LMX1A: variants seen among roughly 807,000 people sequenced by gnomAD.
LMX1A encodes LIM homeobox transcription factor 1 alpha, also known as LIM homeobox transcription factor 1-alpha.
Under a neutral mutation model 49.1 loss-of-function variants are expected in LMX1A, and 15 were observed. The observed-to-expected ratio is 0.31, with a 90% CI of 0.20 to 0.47. The LOEUF (loss-of-function observed/expected upper bound fraction) is 0.47. Ranked by LOEUF, LMX1A falls within the 20% of genes least tolerant of loss-of-function variation. The pLI, the probability that LMX1A is intolerant of heterozygous loss-of-function variation, is 1.00. For missense variants in LMX1A, 372 were observed against 475.8 expected (o/e 0.78, Z 2.03); for synonymous variants, 167 against 185.7 (o/e 0.90, Z 0.82).
At chr1:165,232,566 C>T (rs1652275144) in intron 4 of LMX1A, among the ~76,000 whole-genome samples, 1 of 152,120 alleles carries the variant, frequency 6.6e-6, no homozygotes, top group Non-Finnish European at 1.5e-5. Context: ...TTCAGGAAAG[C>T]ACACACTTCT....
Position 165,355,496 on chromosome 1 carries a change from A to G in LMX1A, c.64T>C (p.Ser22Pro). ...CCTGAACACTCACCCAGCAGCGAGG[A>G]GAAGGAGGCCGAGGTGTCGATCGCG... The part of the protein sequence containing the change: ...QSAIDTSASF[S>P]SLLGRAVSPK... Residue 22 changes from serine to proline, a missense_variant, in exon 2 of 9, where the codon TCC (serine) becomes CCC (proline). By Grantham distance (74) the Ser-to-Pro change is moderately conservative. Around this residue, in one of 3 missense-constraint regions of LMX1A, gnomAD observed 199 missense variants for 244.0 expected, o/e 0.82. Coordinates refer to ENST00000342310, the MANE Select transcript of LMX1A (RefSeq NM_177398.4). This position sits in a 1 kb window ranked among gnomAD's most constrained non-coding sequence, Gnocchi z 4.7. The G allele has an allele frequency of 3.7e-6, 6 of 1,613,998 alleles. No individual in the cohort carries two copies. Among genetic ancestry groups the G allele is most frequent in the Non-Finnish European group, 5.1e-6 (6 of 1,179,966 alleles).
intron 4 of LMX1A, among the ~76,000 whole-genome samples, chr1:165,239,275 A>G (rs528839905): frequency 2.0e-5 from 3 of 152,366 alleles, no homozygotes; most frequent in East Asian, 1.9e-4. Context: ...AGTATGGTCA[A>G]TGTAAAAAGG....
chr1:165,223,260 T>C (rs546839261), intron 4 of LMX1A, among the ~76,000 whole-genome samples: 1 of 152,332 alleles, frequency 6.6e-6, no homozygotes, highest in South Asian at 2.1e-4. Context: ...TGAAAAAAGT[T>C]GTAATAAAAG....
chr1:165,320,148 T>G (rs8179473), intron 3 of LMX1A, among the ~76,000 whole-genome samples: 13,624 of 152,242 alleles, frequency 0.089, 773 homozygotes, highest in Admixed American at 0.15. Context: ...ATTGGGATCT[T>G]TTGATAAGTG....
chr1:165,342,388 G>C (rs1451111129), intron 3 of LMX1A, among the ~76,000 whole-genome samples: 1 of 152,224 alleles, frequency 6.6e-6, no homozygotes, highest in African/African-American at 2.4e-5. Context: ...ATATTCAACA[G>C]TTCTGCTGCC....
At chr1:165,337,269 A>C (rs1489735513) in intron 3 of LMX1A, among the ~76,000 whole-genome samples, 1 of 152,224 alleles carries the variant, frequency 6.6e-6, no homozygotes, top group Admixed American at 6.5e-5. Flanking sequence ...CAATATCTTT[A>C]ATTAAATGAT....
chr1:165,202,893 T>C lies in LMX1A; in HGVS notation c.*987A>G, dbSNP rs1371098095. ...GTGGCCTGGTTGTATCTTAAACAAA[T>C]ATCAGATATTAGTCTCAGCCCTGCT... On this transcript the variant is annotated 3_prime_UTR_variant, in exon 9 of 9. Coordinates refer to ENST00000342310, the MANE Select transcript of LMX1A (RefSeq NM_177398.4). 1 of 152,690 alleles carries C rather than the reference T, an allele frequency of 6.5e-6. No individual in the cohort carries two copies. Among genetic ancestry groups the C allele is most frequent in the African/African-American group, 2.4e-5 (1 of 41,448 alleles). 9.5% of individuals were successfully genotyped at this position (152,690 alleles called of 1,614,324 possible).
At chr1:165,260,636 C>T (rs550939549) in intron 3 of LMX1A, among the ~76,000 whole-genome samples, 1 of 152,280 alleles carries the variant, frequency 6.6e-6, no homozygotes, top group South Asian at 2.1e-4. Flanking sequence ...TGATTACATT[C>T]CTAAATCATC....
chr1:165,269,557 G>T (rs1396534786), intron 3 of LMX1A, among the ~76,000 whole-genome samples: 2 of 152,070 alleles, frequency 1.3e-5, no homozygotes, highest in Non-Finnish European at 2.9e-5. Context: ...TATACACAAA[G>T]GAATATAAAT....
Position 165,203,558 on chromosome 1 carries a change from C to T in LMX1A, c.*322G>A, listed in dbSNP as rs919960014. On this transcript the variant is annotated 3_prime_UTR_variant, in exon 9 of 9. Coordinates refer to ENST00000342310, the MANE Select transcript of LMX1A (RefSeq NM_177398.4). The stretch of plus-strand genomic sequence containing the variant: ...ATGCACCTCTTGACAAGAGCTTCCC[C>T]GACATGGTGGGAAGTTGTTAGGAGT... 2.9e-5 allele frequency: 6 copies of T among 204,102 alleles called. No homozygotes were observed. The highest frequency in any genetic ancestry group is 6.1e-5 in the Non-Finnish European group (6 of 98,594). 12.6% of individuals were successfully genotyped at this position (204,102 alleles called of 1,614,324 possible). A position where few individuals can be genotyped will look rare whatever the true frequency, so the allele number is the denominator to read the frequency against.
intron 3 of LMX1A, among the ~76,000 whole-genome samples, chr1:165,262,021 T>A (rs1013631819): frequency 1.3e-5 from 2 of 152,208 alleles, no homozygotes; most frequent in Non-Finnish European, 2.9e-5. Context: ...ATGATAAATT[T>A]CATGTTAGGT....
At chr1:165,281,557 A>G (rs1654148583) in intron 3 of LMX1A, among the ~76,000 whole-genome samples, 1 of 152,248 alleles carries the variant, frequency 6.6e-6, no homozygotes, top group Admixed American at 6.5e-5. Flanking sequence ...GGTGAAGATA[A>G]GGGAACTTGC....
intron 4 of LMX1A, among the ~76,000 whole-genome samples, chr1:165,228,154 G>T (rs1449588830): frequency 6.6e-6 from 1 of 152,204 alleles, no homozygotes; most frequent in Non-Finnish European, 1.5e-5. Context: ...GATAAGCATA[G>T]ATTGAAAACA....
intron 3 of LMX1A, among the ~76,000 whole-genome samples, chr1:165,331,282 A>G (rs1176375107): frequency 1.3e-5 from 2 of 152,202 alleles, no homozygotes; most frequent in Non-Finnish European, 2.9e-5. Context: ...CCAGAGAAAT[A>G]CAAACTATAA....
chr1:165,273,838 A>G (rs920733326), intron 3 of LMX1A, among the ~76,000 whole-genome samples: 1 of 152,220 alleles, frequency 6.6e-6, no homozygotes, highest in African/African-American at 2.4e-5. Flanking sequence ...ACATTTAATG[A>G]AGGCCAACTA....
chr1:165,237,124 T>C (rs1235378714), intron 4 of LMX1A, among the ~76,000 whole-genome samples: 1 of 152,192 alleles, frequency 6.6e-6, no homozygotes, highest in Non-Finnish European at 1.5e-5. Flanking sequence ...CCAATGTAAA[T>C]GCTCAGCAAA....
intron 3 of LMX1A, among the ~76,000 whole-genome samples, chr1:165,340,429 C>T (rs1656040047): frequency 6.6e-6 from 1 of 152,084 alleles, no homozygotes; most frequent in Non-Finnish European, 1.5e-5. Flanking sequence ...AACAGGAAGC[C>T]CTACTTCTTG....
chr1:165,265,009 C>T lies in LMX1A; in HGVS notation c.264-15369G>A, dbSNP rs143787428. ...ACGAGGCCAGGAGATCAAGACCATC[C>T]TGGCTAATACGGTGAAACCCTGTCT... On this transcript the variant is annotated intron_variant, in intron 3 of 8. Transcript: ENST00000342310. Among the ~76,000 whole-genome samples the T allele has an allele frequency of 6.8e-3, 1,041 of 152,150 alleles. 8 individuals carry two copies. The highest frequency in any genetic ancestry group is 0.014 in the Middle Eastern group (4 of 294).
At chr1:165,302,055 CACAG>C (rs1337917788) in intron 3 of LMX1A, among the ~76,000 whole-genome samples, 2 of 152,286 alleles carry the variant, frequency 1.3e-5, no homozygotes, top group Non-Finnish European at 2.9e-5. Context: ...CCCAAGTTCA[CACAG>C]ACAGACACTC....
Sources: allele counts gnomAD v4.1 joint callset (sites outside exome capture counted in the v4.1 genomes callset), GRCh38; gene constraint gnomAD v4.1.1; regional missense constraint gnomAD v4.1.1; non-coding constraint Gnocchi (gnomAD v3.1); transcripts MANE v1.5; gene names NCBI Gene and HGNC (gene_info 2026-07-23, HGNC 2026-07-21).